Variants in DCLK1 observed in about 807,000 individuals in gnomAD.
DCLK1 encodes the protein serine/threonine-protein kinase DCLK1.
A neutral mutation model predicts 86.2 loss-of-function variants in DCLK1; 16 were observed. That is an observed-to-expected ratio of 0.19 (90% CI 0.13 to 0.28). The LOEUF is 0.28. Among genes scored for constraint, DCLK1 ranks in the 10% least tolerant of loss-of-function variants. The pLI is 1.00. For synonymous variants in DCLK1, 369 were observed against 370.5 expected (o/e 1.00, Z 0.05); for missense variants, 590 against 940.2 (o/e 0.63, Z 4.87).
chr13:35,861,326 G>A (rs1871368636), intron 5 of DCLK1, among the ~76,000 whole-genome samples: 1 of 152,188 alleles, frequency 6.6e-6, no homozygotes, highest in Non-Finnish European at 1.5e-5. Flanking sequence ...ATCCCTATCA[G>A]CTGGGATCCA....
chr13:35,895,937 A>ATT (rs11313026), intron 4 of DCLK1, among the ~76,000 whole-genome samples: 2 of 150,072 alleles, frequency 1.3e-5, no homozygotes, highest in African/African-American at 4.9e-5. Flanking sequence ...TTTTTTTATG[A>ATT]TTTTTTTTTT....
Position 35,771,816 on chromosome 13 carries a change from A to G in DCLK1, c.*2719T>C, listed in dbSNP as rs988745372. ...TAGATACACTGCCATAATGATACAT[A>G]TTTGTTCTATGATAAGTGAAATCAA... On this transcript the variant is annotated 3_prime_UTR_variant, in exon 17 of 17. Transcript: ENST00000360631. 6.6e-6 allele frequency: 1 copy of G among 152,228 alleles called. No individual in the cohort carries two copies. Among genetic ancestry groups the G allele is most frequent in the African/African-American group, 2.4e-5 (1 of 41,468 alleles). The allele number at this position is 152,228 out of a possible 1,614,324, so 9.4% of individuals were successfully genotyped here.
chr13:36,001,699 A>G (rs1159740537), intron 3 of DCLK1, among the ~76,000 whole-genome samples: 1 of 152,230 alleles, frequency 6.6e-6, no homozygotes, highest in Non-Finnish European at 1.5e-5. Context: ...CCACAAGATA[A>G]AAAATGTAAG....
chr13:35,844,494 G>A lies in DCLK1; in HGVS notation c.1036-5318C>T, dbSNP rs1051716491. On this transcript the variant is annotated intron_variant, in intron 6 of 16. Transcript: ENST00000360631. ...TATAAATTGATAATCTGAACCATTT[G>A]TCCCAAGGAGACTTGTGTCATTGGG... Among the ~76,000 whole-genome samples the A allele has an allele frequency of 2.0e-5, 3 of 152,160 alleles. No individual in the cohort carries two copies. In the South Asian group the frequency reaches 6.2e-4, roughly 32 times the overall value.
intron 4 of DCLK1, among the ~76,000 whole-genome samples, chr13:35,905,698 C>T (rs969853148): frequency 2.6e-5 from 4 of 152,132 alleles, no homozygotes; most frequent in Non-Finnish European, 5.9e-5. Context: ...GTATTCCCAG[C>T]GCATTGGGAG....
intron 16 of DCLK1, among the ~76,000 whole-genome samples, chr13:35,786,739 A>T (rs1335600199): frequency 6.6e-6 from 1 of 152,198 alleles, no homozygotes; most frequent in Non-Finnish European, 1.5e-5. Flanking sequence ...GCAGATTATG[A>T]TTAACTCACC....
At chr13:35,799,479 G>C (rs552166913) in intron 15 of DCLK1, among the ~76,000 whole-genome samples, 1 of 152,072 alleles carries the variant, frequency 6.6e-6, no homozygotes, top group East Asian at 1.9e-4. Context: ...TTGAACTCCC[G>C]ACCTCAGGTT....
chr13:35,906,314 T>C (rs1458114265), intron 4 of DCLK1, among the ~76,000 whole-genome samples: 1 of 105,098 alleles, frequency 9.5e-6, no homozygotes, highest in Non-Finnish European at 1.8e-5. Flanking sequence ...AAGTATTTTC[T>C]TTTTTTTTTT....
rs138615962 is a variant in DCLK1 at position 35,939,036 on chromosome 13, T to C, written c.823+8322A>G. Among the ~76,000 whole-genome samples, 198 of 152,334 alleles carry C rather than the reference T, an allele frequency of 1.3e-3. 1 individual carries two copies. The highest frequency in any genetic ancestry group is 4.5e-3 in the African/African-American group (189 of 41,568). Reference sequence around the variant, plus strand: ...TCCAAGGTGCAGTACTCTATATGTATCCATAGTTTGGCTGTTGATTAAATT... The same window carrying C: ...TCCAAGGTGCAGTACTCTATATGTACCCATAGTTTGGCTGTTGATTAAATT... On this transcript the variant is annotated intron_variant, in intron 4 of 16. Coordinates refer to ENST00000360631, the MANE Select transcript of DCLK1 (RefSeq NM_001330071.2).
intron 3 of DCLK1, among the ~76,000 whole-genome samples, chr13:35,989,614 C>G (rs1173327465): frequency 6.6e-6 from 1 of 152,040 alleles, no homozygotes; most frequent in African/African-American, 2.4e-5. Flanking sequence ...TTGCTTATAG[C>G]TCACTGTAGC....
intron 3 of DCLK1, among the ~76,000 whole-genome samples, chr13:36,053,473 G>A (rs114748548): frequency 1.1e-3 from 166 of 152,124 alleles, no homozygotes; most frequent in African/African-American, 3.8e-3. Flanking sequence ...CTTATTTACC[G>A]TCTACTATGT....
At chr13:36,060,816 A>C (rs938869976) in intron 3 of DCLK1, among the ~76,000 whole-genome samples, 3 of 152,192 alleles carry the variant, frequency 2.0e-5, no homozygotes, top group African/African-American at 7.2e-5. Flanking sequence ...TAACTCAGAC[A>C]ACCAAGGATG....
chr13:35,982,064 G>T (rs1179973556), intron 3 of DCLK1, among the ~76,000 whole-genome samples: 4 of 152,086 alleles, frequency 2.6e-5, no homozygotes, highest in Non-Finnish European at 5.9e-5. Context: ...ATTTTTGAGA[G>T]CTCTAATTAT....
At chr13:36,048,638 T>A (rs1388432832) in intron 3 of DCLK1, among the ~76,000 whole-genome samples, 1 of 152,170 alleles carries the variant, frequency 6.6e-6, no homozygotes, top group East Asian at 1.9e-4. Context: ...GTACATTCAA[T>A]TCAGTGATGT....
chr13:36,117,189 T>C (rs1332765205), intron 2 of DCLK1, among the ~76,000 whole-genome samples: 7 of 152,248 alleles, frequency 4.6e-5, no homozygotes, highest in Admixed American at 3.3e-4. Flanking sequence ...AGATCTAAAC[T>C]TTTTGAAATT....
At position 35,786,793 on chromosome 13, in the gene DCLK1, T is replaced by G. The variant is rs529248660; in HGVS notation, c.2058+6573A>C. 3.7e-4 allele frequency among the ~76,000 whole-genome samples: 57 copies of G among 152,286 alleles called. 1 individual carries two copies. Among genetic ancestry groups the G allele is most frequent in the Admixed American group, 3.3e-3 (51 of 15,292 alleles). On this transcript the variant is annotated intron_variant, in intron 16 of 16. Coordinates refer to ENST00000360631, the MANE Select transcript of DCLK1 (RefSeq NM_001330071.2). ...GGTCAAAAATTAAGTTCTTTCTACA[T>G]CCATAAGGCCAATTATGTAGGTAAA... is the stretch of plus-strand genomic sequence containing the variant.
chr13:36,005,975 T>G (rs752051854), intron 3 of DCLK1, among the ~76,000 whole-genome samples: 4 of 151,986 alleles, frequency 2.6e-5, no homozygotes, highest in Non-Finnish European at 5.9e-5. Context: ...TGAGAACACA[T>G]GGACACAGGG....
rs563827699 is a variant in DCLK1 at position 35,792,445 on chromosome 13, T to G, written c.2058+921A>C. Among the ~76,000 whole-genome samples the G allele has an allele frequency of 2.6e-5, 4 of 152,252 alleles. No homozygotes were observed. In the South Asian group the frequency reaches 8.3e-4, roughly 32 times the overall value. ...AAACACCCAGAGAAGTGGTTAAATA[T>G]TCAGTACTGCTCATGAGTGAGAGGT... On this transcript the variant is annotated intron_variant, in intron 16 of 16. Transcript: ENST00000360631.
intron 3 of DCLK1, among the ~76,000 whole-genome samples, chr13:36,110,994 G>C (rs1036281741): frequency 2.2e-4 from 33 of 151,492 alleles, no homozygotes; most frequent in Non-Finnish European, 1.0e-4. Flanking sequence ...CCACACCCAG[G>C]TAATTTTTTT....
Sources: allele counts gnomAD v4.1 joint callset (sites outside exome capture counted in the v4.1 genomes callset), GRCh38; gene constraint gnomAD v4.1.1; transcripts MANE v1.5; gene names NCBI Gene and HGNC (gene_info 2026-07-23, HGNC 2026-07-21).